Variants in NPAS3 observed in about 807,000 individuals in gnomAD.
NPAS3 encodes the protein neuronal PAS domain protein 3.
Under a neutral mutation model 73.1 loss-of-function variants are expected in NPAS3, and 14 were observed. The observed-to-expected ratio is 0.19, with a 90% CI of 0.13 to 0.30. NPAS3 has a LOEUF of 0.30. NPAS3 is among the 10% of genes least tolerant of loss of function. The pLI, the probability that NPAS3 is intolerant of heterozygous loss-of-function variation, is 1.00. For synonymous variants in NPAS3, 620 were observed against 541.5 expected, an observed-to-expected ratio of 1.14 and a Z score of -2.01; for missense variants, 1,096 against 1,250.0, an observed-to-expected ratio of 0.88 and a Z score of 1.86.
chr14:33,627,703 G>A (rs1373253167), intron 5 of NPAS3, among the ~76,000 whole-genome samples: 1 of 152,180 alleles, frequency 6.6e-6, no homozygotes, highest in Non-Finnish European at 1.5e-5. Context: ...AAACATATTA[G>A]AAAGATATTT....
chr14:33,158,621 G>A (rs2044734939), intron 2 of NPAS3, among the ~76,000 whole-genome samples: 1 of 152,118 alleles, frequency 6.6e-6, no homozygotes, highest in Admixed American at 6.5e-5. Flanking sequence ...GTTCATGGAA[G>A]GGCTGAAGAT....
chr14:33,340,062 G>T (rs1003284733), intron 3 of NPAS3, among the ~76,000 whole-genome samples: 2 of 152,126 alleles, frequency 1.3e-5, no homozygotes, highest in Admixed American at 6.5e-5. Flanking sequence ...ATTCCTATTG[G>T]TGATACCTAT....
chr14:33,329,773 A>G (rs2043894822), intron 3 of NPAS3, among the ~76,000 whole-genome samples: 1 of 151,996 alleles, frequency 6.6e-6, no homozygotes. Flanking sequence ...TTAGTAAGTA[A>G]GCCCTTTTCA....
chr14:33,536,039 C>G (rs1595105968), intron 4 of NPAS3, among the ~76,000 whole-genome samples: 2 of 152,144 alleles, frequency 1.3e-5, no homozygotes, highest in Non-Finnish European at 2.9e-5. Context: ...ACTTTGGCCT[C>G]GTATGCAAGT....
chr14:33,773,915 A>C (rs2062732168), intron 7 of NPAS3, among the ~76,000 whole-genome samples: 1 of 152,210 alleles, frequency 6.6e-6, no homozygotes, highest in East Asian at 1.9e-4. Context: ...AGGGCTCAGA[A>C]ACCACACATC....
chr14:33,506,366 G>C (rs1401479556), intron 4 of NPAS3, among the ~76,000 whole-genome samples: 1 of 151,802 alleles, frequency 6.6e-6, no homozygotes, highest in South Asian at 2.1e-4. Flanking sequence ...ATGACTTTCT[G>C]CAATTTGCAA....
intron 1 of NPAS3, among the ~76,000 whole-genome samples, chr14:32,960,291 T>G (rs181584177): frequency 6.6e-6 from 1 of 152,272 alleles, no homozygotes; most frequent in Admixed American, 6.5e-5. Flanking sequence ...AAAAATAATA[T>G]TTATTAGAGT....
intron 6 of NPAS3, among the ~76,000 whole-genome samples, chr14:33,702,318 C>G (rs2060544609): frequency 6.6e-6 from 1 of 152,180 alleles, no homozygotes; most frequent in African/African-American, 2.4e-5. Flanking sequence ...CTTTCTATTG[C>G]ATTTGGAACA....
At chr14:33,543,997 A>G (rs200885987) in intron 4 of NPAS3, among the ~76,000 whole-genome samples, 1 of 61,882 alleles carries the variant, frequency 1.6e-5, no homozygotes, top group Non-Finnish European at 3.0e-5. Flanking sequence ...ATATATATAT[A>G]TATATCTATA....
intron 4 of NPAS3, among the ~76,000 whole-genome samples, chr14:33,446,650 T>A (rs894607662): frequency 1.3e-5 from 2 of 152,328 alleles, no homozygotes; most frequent in Non-Finnish European, 2.9e-5. Flanking sequence ...TCATCCTTGG[T>A]CTTTTTCTTT....
chr14:33,123,124 T>A (rs920617956), intron 2 of NPAS3, among the ~76,000 whole-genome samples: 6 of 152,028 alleles, frequency 3.9e-5, no homozygotes, highest in African/African-American at 1.2e-4. Flanking sequence ...ATTTAGATAA[T>A]TAAATAATAG....
intron 2 of NPAS3, among the ~76,000 whole-genome samples, chr14:33,167,458 A>T (rs766837707): frequency 1.4e-4 from 22 of 152,136 alleles, no homozygotes; most frequent in Non-Finnish European, 2.9e-4. Context: ...TATTGTAAAG[A>T]TAAATTAACA....
At chr14:33,564,638 C>G (rs1056547125) in intron 5 of NPAS3, among the ~76,000 whole-genome samples, 1 of 152,186 alleles carries the variant, frequency 6.6e-6, no homozygotes, top group Non-Finnish European at 1.5e-5. Flanking sequence ...TTCTTCTAAG[C>G]CCTCATGAGA....
chr14:33,673,611 T>C (rs1435621144), intron 5 of NPAS3, among the ~76,000 whole-genome samples: 1 of 152,224 alleles, frequency 6.6e-6, no homozygotes, highest in African/African-American at 2.4e-5. Flanking sequence ...CTGCATAGTT[T>C]CACTAGATTT....
At chr14:33,215,202 A>G (rs207474636) in exon 3 of NPAS3, 1 of 1,613,854 alleles carries the variant, frequency 6.2e-7, no homozygotes, top group Non-Finnish European at 8.5e-7. Context: ...TTGAGAAAGG[A>G]GAAATCCCGA....
chr14:33,369,670 T>C (rs1049064859), intron 4 of NPAS3, among the ~76,000 whole-genome samples: 2 of 152,098 alleles, frequency 1.3e-5, no homozygotes, highest in African/African-American at 2.4e-5. Flanking sequence ...ACTAGAACTT[T>C]TGGTATAATT....
At chr14:33,365,586 T>A (rs544422960) in intron 3 of NPAS3, among the ~76,000 whole-genome samples, 1 of 152,330 alleles carries the variant, frequency 6.6e-6, no homozygotes, top group South Asian at 2.1e-4. Context: ...CTAAGATCCC[T>A]TCCAGCTGGA....
chr14:33,294,945 A>G (rs982893613), intron 3 of NPAS3, among the ~76,000 whole-genome samples: 1 of 152,270 alleles, frequency 6.6e-6, no homozygotes, highest in East Asian at 1.9e-4. Context: ...TTGCCTTCCA[A>G]TGTGATGCTG....
intron 7 of NPAS3, among the ~76,000 whole-genome samples, chr14:33,769,589 C>T (rs1412451237): frequency 6.6e-6 from 1 of 152,070 alleles, no homozygotes; most frequent in African/African-American, 2.4e-5. Flanking sequence ...TTCTTCCTAC[C>T]CTGAACTCCT....
Sources: gnomAD v4.1 joint callset for allele counts (sites outside exome capture counted in the v4.1 genomes callset) on GRCh38, gnomAD v4.1.1 for gene constraint, MANE v1.5 for transcripts, NCBI Gene and HGNC (gene_info 2026-07-23, HGNC 2026-07-21) for gene names.